Variants in PPP1R12B observed in about 807,000 individuals in gnomAD.
PPP1R12B encodes protein phosphatase 1 regulatory subunit 12B, also known as myosin phosphatase target subunit 2.
Under a neutral mutation model 126.1 loss-of-function variants are expected in PPP1R12B, and 76 were observed. That is an observed-to-expected ratio of 0.60 (90% confidence interval 0.50 to 0.73). The LOEUF is 0.73. Among genes scored for constraint, PPP1R12B ranks in the 30% least tolerant of loss-of-function variants. The probability of loss-of-function intolerance (pLI) is 0.00; values close to 1 mark genes in which losing one functional copy is unlikely to be tolerated. For synonymous variants in PPP1R12B, 356 were observed against 434.7 expected (o/e 0.82, Z 2.25); for missense variants, 1,052 against 1,205.1 (o/e 0.87, Z 1.88).
At chr1:202,422,472 G>A (rs966762041) in intron 2 of PPP1R12B, 148 bp from the exon 3 acceptor site, 1 of 641,824 alleles carries the variant, frequency 1.6e-6, no homozygotes, top group Non-Finnish European at 2.8e-6. Flanking sequence ...GAAGTTTAAG[G>A]CACATAGAAA....
At chr1:202,455,119 G>A (rs181606389) in intron 13 of PPP1R12B, among the ~76,000 whole-genome samples, 5 of 152,142 alleles carry the variant, frequency 3.3e-5, no homozygotes, top group Non-Finnish European at 5.9e-5. Context: ...AACAGAGAAG[G>A]CATTGTGACT....
At chr1:202,372,203 T>C (rs1417932441) in intron 1 of PPP1R12B, among the ~76,000 whole-genome samples, 1 of 152,004 alleles carries the variant, frequency 6.6e-6, no homozygotes, top group Non-Finnish European at 1.5e-5. Context: ...GTTTTTCTTA[T>C]ATTATAAAAG....
intron 1 of PPP1R12B, among the ~76,000 whole-genome samples, chr1:202,374,310 TTGTTCA>T (rs1230829911): frequency 6.6e-6 from 1 of 152,088 alleles, no homozygotes; most frequent in East Asian, 1.9e-4. Context: ...TTTTTCTTAT[TTGTTCA>T]ATAATGTTTA....
Position 202,540,756 on chromosome 1 carries a change from C to CT in PPP1R12B, c.2491-18120dup, listed in dbSNP as rs1437271656. On this transcript the variant is annotated intron_variant, in intron 18 of 23. Coordinates refer to ENST00000608999, the MANE Select transcript of PPP1R12B (RefSeq NM_002481.4). Reference sequence around the variant, plus strand: ...GCTTTTGCCTATTTTGTATGTCTGTCTGTGAGAAAGACCAAAATGAGCAAT... The same window carrying CT: ...GCTTTTGCCTATTTTGTATGTCTGTCTTGTGAGAAAGACCAAAATGAGCAAT... 3.3e-5 allele frequency among the ~76,000 whole-genome samples: 5 copies of CT among 152,158 alleles called. No homozygotes were observed. The East Asian group carries it at 9.6e-4, about 29-fold the overall frequency.
intron 21 of PPP1R12B, 141 bp from the exon 22 acceptor site, chr1:202,567,637 G>C: frequency 1.3e-6 from 1 of 780,416 alleles, no homozygotes; most frequent in Non-Finnish European, 2.1e-6. Context: ...GAACCTGTTT[G>C]CTGGGGATCC....
intron 1 of PPP1R12B, among the ~76,000 whole-genome samples, chr1:202,411,810 C>T (rs1052442026): frequency 3.9e-5 from 6 of 152,156 alleles, no homozygotes; most frequent in African/African-American, 9.7e-5. Flanking sequence ...TTTGCAAGCC[C>T]TGGTCTGTCT....
In PPP1R12B at chr1:202,588,839, A is replaced by C. The variant is rs890979293; in HGVS notation, c.*8279A>C. On this transcript the variant is annotated 3_prime_UTR_variant, in exon 24 of 24. Coordinates refer to ENST00000608999, the MANE Select transcript of PPP1R12B (RefSeq NM_002481.4). Reference sequence around the variant, plus strand: ...AAAGAACCGTAAGATAGATAGATAGATAGATAGATAGATAGATAGATAGAT... The same window carrying C: ...AAAGAACCGTAAGATAGATAGATAGCTAGATAGATAGATAGATAGATAGAT... 4.9e-5 allele frequency: 7 copies of C among 142,782 alleles called. No individual in the cohort carries two copies. The highest frequency in any genetic ancestry group is 2.0e-4 in the African/African-American group (7 of 34,434). The allele number at this position is 142,782 out of a possible 1,614,324, so 8.8% of individuals were successfully genotyped here.
At chr1:202,515,483 C>T (rs540699285) in intron 18 of PPP1R12B, among the ~76,000 whole-genome samples, 1 of 152,322 alleles carries the variant, frequency 6.6e-6, no homozygotes, top group South Asian at 2.1e-4. Flanking sequence ...CTGAAACTTT[C>T]AGATCCCTGC....
intron 1 of PPP1R12B, among the ~76,000 whole-genome samples, chr1:202,412,463 T>TTA (rs1426330412): frequency 2.0e-5 from 3 of 152,204 alleles, no homozygotes; most frequent in Non-Finnish European, 4.4e-5. Flanking sequence ...GCTGGGCTTA[T>TTA]TTTAGGGCCT....
In PPP1R12B at chr1:202,472,049, G is replaced by T. The variant is rs1318810620; in HGVS notation, c.1851-16484G>T. 3.1e-6 allele frequency: 5 copies of T among 1,594,588 alleles called. No individual in the cohort carries two copies. In the African/African-American group the frequency reaches 6.7e-5, roughly 21 times the overall value. Reference sequence around the variant, plus strand: ...AGTAGGAATTGGGGCTCTGCACCAGGCGTTTCTTCTTGTGTTTCCTCTTCT... The same window carrying T: ...AGTAGGAATTGGGGCTCTGCACCAGTCGTTTCTTCTTGTGTTTCCTCTTCT... On this transcript the variant is annotated intron_variant, in intron 13 of 23. Transcript: ENST00000608999.
chr1:202,440,036 T>G (rs75648703), intron 10 of PPP1R12B: 1 of 153,024 alleles, frequency 6.5e-6, no homozygotes, highest in Non-Finnish European at 1.5e-5. Flanking sequence ...AAAAAAAAAA[T>G]TTTTAACTTG....
rs569635559 is a variant in PPP1R12B at position 202,427,174 on chromosome 1, G to A, written c.836G>A (p.Arg279Gln). 30 of 1,613,948 alleles carry A rather than the reference G, an allele frequency of 1.9e-5. No homozygotes were observed. In the East Asian group the frequency reaches 2.7e-4, roughly 14 times the overall value. Reference protein sequence around the residue: ...LAEALCDMDIRNKLGQTPFDV... With the variant: ...LAEALCDMDIQNKLGQTPFDV... ...GAAGCACTTTGTGACATGGATATTC[G>A]AAATAAACTGGTTAGTGAGCCTGAA... Residue 279 changes from arginine (R) to glutamine (Q), a missense_variant, in exon 5 of 24, where the codon CGA (arginine) becomes CAA (glutamine). Coordinates refer to ENST00000608999, the MANE Select transcript of PPP1R12B (RefSeq NM_002481.4).
In PPP1R12B at chr1:202,425,571, G is replaced by T; in HGVS notation, c.547G>T (p.Asp183Tyr). 1 of 1,613,848 alleles carries T rather than the reference G, an allele frequency of 6.2e-7. No individual in the cohort carries two copies. The highest frequency in any genetic ancestry group is 8.5e-7 in the Non-Finnish European group (1 of 1,179,802). The change falls in exon 4 of 24, where the codon GAT becomes TAT. Residue 183 changes from aspartate (D) to tyrosine (Y), a missense_variant. Physicochemically the swap from Asp to Tyr is radical, Grantham distance 160. Coordinates refer to ENST00000608999, the MANE Select transcript of PPP1R12B (RefSeq NM_002481.4). ...LLEQVKKQGV[D>Y]LEQSRKEEEQ... ...CTGGTATCTGGTTTCTGTAGGAGTT[G>T]ATCTAGAGCAGTCAAGAAAAGAAGA...
At chr1:202,527,408 T>C (rs920744898) in intron 18 of PPP1R12B, 18 of 152,086 alleles carry the variant, frequency 1.2e-4, no homozygotes, top group African/African-American at 4.3e-4. Flanking sequence ...CTGAGCCCCA[T>C]CAGGGAGGGT....
intron 1 of PPP1R12B, among the ~76,000 whole-genome samples, chr1:202,412,826 TAAAATA>T (rs899472624): frequency 2.6e-5 from 4 of 152,164 alleles, no homozygotes; most frequent in Non-Finnish European, 5.9e-5. Flanking sequence ...GAAAAATAAA[TAAAATA>T]AAAATGTTGA....
intron 13 of PPP1R12B, among the ~76,000 whole-genome samples, chr1:202,471,477 T>C (rs1675871686): frequency 6.6e-6 from 1 of 152,046 alleles, no homozygotes; most frequent in Admixed American, 6.6e-5. Flanking sequence ...ATAGGGTAAG[T>C]GCATCTTCAC....
At chr1:202,407,095 A>G (rs181294831) in intron 1 of PPP1R12B, among the ~76,000 whole-genome samples, 108 of 152,330 alleles carry the variant, frequency 7.1e-4, no homozygotes, top group African/African-American at 2.4e-3. Context: ...TTCAAAAAAC[A>G]TGATTTGATG....
chr1:202,396,012 A>G (rs529549200), intron 1 of PPP1R12B, among the ~76,000 whole-genome samples: 1 of 152,296 alleles, frequency 6.6e-6, no homozygotes, highest in African/African-American at 2.4e-5. Flanking sequence ...TGATCATTTC[A>G]TACTTCTGTA....
At chr1:202,472,423 G>A (rs1220651342) in intron 13 of PPP1R12B, among the ~76,000 whole-genome samples, 1 of 152,184 alleles carries the variant, frequency 6.6e-6, no homozygotes, top group Non-Finnish European at 1.5e-5. Flanking sequence ...CAGTTGGCCA[G>A]GTCCAGCTGG....
Sources: gnomAD v4.1 joint callset for allele counts (sites outside exome capture counted in the v4.1 genomes callset) on GRCh38, gnomAD v4.1.1 for gene constraint, MANE v1.5 for transcripts, NCBI Gene and HGNC (gene_info 2026-07-23, HGNC 2026-07-21) for gene names.